NAA15: variants seen among roughly 807,000 people sequenced by gnomAD.
The protein encoded by NAA15 is N-terminal acetyltransferase.
A neutral mutation model predicts 114.0 loss-of-function variants in NAA15; 34 were observed. That is an observed-to-expected ratio of 0.30 (90% confidence interval 0.23 to 0.40). NAA15 has a LOEUF of 0.40. Among genes scored for constraint, NAA15 ranks in the 10% least tolerant of loss-of-function variants. NAA15 has a pLI of 1.00. For missense variants in NAA15, 658 were observed against 1,004.5 expected (o/e 0.66, Z 4.66); for synonymous variants, 340 against 338.0 (o/e 1.01, Z -0.06).
At chr4:139,356,282 A>G (rs912478339) in intron 10 of NAA15, among the ~76,000 whole-genome samples, 2 of 152,308 alleles carry the variant, frequency 1.3e-5, no homozygotes, top group East Asian at 1.9e-4. Flanking sequence ...ATAAGACAAG[A>G]TATTCCAGTT....
rs891279010 is a variant in NAA15, at chr4:139,368,544, A to G, written c.1754-1667A>G. Among the ~76,000 whole-genome samples the G allele has an allele frequency of 2.8e-4, 42 of 152,340 alleles. 1 individual carries two copies. The highest frequency in any genetic ancestry group is 9.1e-4 in the African/African-American group (38 of 41,580). Reference sequence around the variant, plus strand: ...TTCTTGGCCATACATTGGTCTTTCCATAAGATTGAGTTTCCTCATAAGACA... The same window carrying G: ...TTCTTGGCCATACATTGGTCTTTCCGTAAGATTGAGTTTCCTCATAAGACA... On this transcript the variant is annotated intron_variant, in intron 14 of 19. Coordinates refer to ENST00000296543, the MANE Select transcript of NAA15 (RefSeq NM_057175.5).
chr4:139,307,773 AG>A (rs1314205669), intron 1 of NAA15, among the ~76,000 whole-genome samples: 2 of 152,170 alleles, frequency 1.3e-5, no homozygotes, highest in Non-Finnish European at 2.9e-5. Flanking sequence ...ACTGAGATTA[AG>A]GTCAACAGCT....
chr4:139,322,673 CTGTG>C (rs1197639671), intron 1 of NAA15, among the ~76,000 whole-genome samples: 2 of 152,138 alleles, frequency 1.3e-5, no homozygotes, highest in Non-Finnish European at 2.9e-5. Flanking sequence ...TCAGCCTACT[CTGTG>C]TGAGTGTGTA....
At chr4:139,376,699 A>G (rs1017839186) in intron 16 of NAA15, among the ~76,000 whole-genome samples, 15 of 152,228 alleles carry the variant, frequency 9.9e-5, no homozygotes, top group African/African-American at 3.6e-4. Flanking sequence ...CATAACTAGG[A>G]TTCAGGTCAG....
intron 9 of NAA15, among the ~76,000 whole-genome samples, chr4:139,353,517 C>T (rs1004391420): frequency 2.0e-5 from 3 of 152,174 alleles, no homozygotes; most frequent in Non-Finnish European, 4.4e-5. Context: ...AGTCAAGACT[C>T]AAGAGAAACC....
rs987749754 is a variant in NAA15 at position 139,351,723 on chromosome 4, C to T, written c.1014+112C>T. The T allele has an allele frequency of 7.3e-6, 4 of 546,558 alleles. No homozygotes were observed. In the African/African-American group the frequency reaches 7.6e-5, roughly 10 times the overall value. The allele number at this position is 546,558 out of a possible 1,614,324, so 33.9% of individuals were successfully genotyped here. A position where few individuals can be genotyped will look rare whatever the true frequency, so the allele number is the denominator to read the frequency against. On this transcript the variant is annotated intron_variant, in intron 9 of 19. Transcript: ENST00000296543. The stretch of plus-strand genomic sequence containing the variant: ...AGTACGTGTTTTGTGAATCTCATGT[C>T]AGTCTTCCCAGTTTGCAGTTTAAAT...
At chr4:139,315,054 A>AT (rs1560953042) in intron 1 of NAA15, among the ~76,000 whole-genome samples, 3 of 116,990 alleles carry the variant, frequency 2.6e-5, no homozygotes, top group African/African-American at 1.1e-4. Flanking sequence ...AGGTTAGGTT[A>AT]GTTTAGTTTA....
At position 139,385,284 on chromosome 4, in the gene NAA15, A is replaced by AT. The variant is rs34743109; in HGVS notation, c.2302+307dup. On this transcript the variant is annotated intron_variant, in intron 18 of 19. Transcript: ENST00000296543. ...ACAAAACCAAACATATATATATATA[A>AT]TATATATATATATATAATATATATT... Among the ~76,000 whole-genome samples, 9 of 47,332 alleles carry AT rather than the reference A, an allele frequency of 1.9e-4. 1 individual carries two copies. The East Asian group carries it at 3.5e-3, about 18-fold the overall frequency. 31.1% of individuals were successfully genotyped at this position (47,332 alleles called of 152,430 possible). A position where few individuals can be genotyped will look rare whatever the true frequency, so the allele number is the denominator to read the frequency against.
In NAA15 at chr4:139,338,317, G is replaced by A. The variant is rs189434932; in HGVS notation, c.244+1365G>A. ...TTGATCCAGTTGCACTTTGTCATTT[G>A]TATTACGGAAATCAAGATTATTTTT... On this transcript the variant is annotated intron_variant, in intron 3 of 19. Transcript: ENST00000296543. 1.4e-4 allele frequency among the ~76,000 whole-genome samples: 22 copies of A among 152,266 alleles called. No individual in the cohort carries two copies. The East Asian group carries it at 4.0e-3, about 28-fold the overall frequency.
At chr4:139,320,738 C>T (rs888166957) in intron 1 of NAA15, among the ~76,000 whole-genome samples, 15 of 152,156 alleles carry the variant, frequency 9.9e-5, no homozygotes, top group Non-Finnish European at 1.5e-4. Context: ...GCAGGCTGGT[C>T]TCGAACTCCT....
chr4:139,368,267 T>G (rs1020462923), intron 14 of NAA15, among the ~76,000 whole-genome samples: 5 of 152,168 alleles, frequency 3.3e-5, no homozygotes, highest in Admixed American at 6.5e-5. Context: ...AGACTCTGGG[T>G]CTCTCAGGCA....
chr4:139,306,117 C>G (rs190054633), intron 1 of NAA15, among the ~76,000 whole-genome samples: 1 of 152,150 alleles, frequency 6.6e-6, no homozygotes, highest in Admixed American at 6.6e-5. Flanking sequence ...TATTACTCTT[C>G]TGTTTTCTGA....
Position 139,378,680 on chromosome 4 carries a change from A to G in NAA15, c.2057-76A>G, listed in dbSNP as rs375957867. The G allele has an allele frequency of 5.8e-5, 46 of 799,048 alleles. 1 individual carries two copies. Among genetic ancestry groups the G allele is most frequent in the Middle Eastern group, 6.1e-4 (2 of 3,300 alleles). The allele number at this position is 799,048 out of a possible 1,614,324, so 49.5% of individuals were successfully genotyped here. On this transcript the variant is annotated intron_variant, in intron 16 of 19. Transcript: ENST00000296543. ...GATCGACTCTAAATTTACTTTTTCT[A>G]TTTGTGAAGTCTTGGCCCTCCAAAG...
chr4:139,371,684 A>G (rs1330533272), intron 15 of NAA15, among the ~76,000 whole-genome samples: 3 of 152,160 alleles, frequency 2.0e-5, no homozygotes, highest in Non-Finnish European at 4.4e-5. Context: ...GCAAGAAAGC[A>G]CAGAAAATGG....
chr4:139,378,678 C>T, intron 16 of NAA15, 78 bp from the exon 17 acceptor site: 1 of 779,774 alleles, frequency 1.3e-6, no homozygotes. Context: ...TTTACTTTTT[C>T]TATTTGTGAA....
Position 139,388,609 on chromosome 4 carries a change from A to G in NAA15, c.*525A>G, listed in dbSNP as rs976437906. 1 of 153,902 alleles carries G rather than the reference A, an allele frequency of 6.5e-6. No homozygotes were observed. The highest frequency in any genetic ancestry group is 2.4e-5 in the African/African-American group (1 of 41,470). The allele number at this position is 153,902 out of a possible 1,614,324, so 9.5% of individuals were successfully genotyped here. A position where few individuals can be genotyped will look rare whatever the true frequency, so the allele number is the denominator to read the frequency against. On this transcript the variant is annotated 3_prime_UTR_variant, in exon 20 of 20. Coordinates refer to ENST00000296543, the MANE Select transcript of NAA15 (RefSeq NM_057175.5). ...TGAATCACTATTTACAGAGAAACCTACAACAGATGCTTGATGTTGTAGAAA... is the reference window on the plus strand; with the variant it reads ...TGAATCACTATTTACAGAGAAACCTGCAACAGATGCTTGATGTTGTAGAAA...
chr4:139,360,976 G>A (rs189569327), intron 13 of NAA15, among the ~76,000 whole-genome samples: 57 of 152,210 alleles, frequency 3.7e-4, no homozygotes, highest in African/African-American at 1.3e-3. Context: ...ATTTATTGAT[G>A]ATGCCATATA....
At chr4:139,303,982 A>C (rs1293082813) in intron 1 of NAA15, among the ~76,000 whole-genome samples, 1 of 152,068 alleles carries the variant, frequency 6.6e-6, no homozygotes, top group Non-Finnish European at 1.5e-5. Context: ...CAGTGGCGCG[A>C]TCTCGGCTCA....
intron 1 of NAA15, among the ~76,000 whole-genome samples, chr4:139,330,926 T>G (rs1281696125): frequency 6.6e-6 from 1 of 152,234 alleles, no homozygotes; most frequent in East Asian, 1.9e-4. Flanking sequence ...TTTACATTTT[T>G]ATTTTTCTGT....
Sources: allele counts gnomAD v4.1 joint callset (sites outside exome capture counted in the v4.1 genomes callset), GRCh38; gene constraint gnomAD v4.1.1; transcripts MANE v1.5; gene names NCBI Gene and HGNC (gene_info 2026-07-23, HGNC 2026-07-21).